TMEM117: variants seen among roughly 807,000 people sequenced by gnomAD.
The protein encoded by TMEM117 is transmembrane protein 117.
In TMEM117, 27 loss-of-function variants were observed where a neutral mutation model predicts 52.4. The ratio of observed to expected loss-of-function variants is 0.51; its 90% CI spans 0.38 to 0.71. TMEM117 has a LOEUF of 0.71. Ranked by LOEUF, TMEM117 falls within the 30% of genes least tolerant of loss-of-function variation. TMEM117 has a pLI of 0.00. For missense variants in TMEM117, 556 were observed against 630.5 expected (o/e 0.88, Z 1.26); for synonymous variants, 215 against 206.3 (o/e 1.04, Z -0.36).
intron 3 of TMEM117, among the ~76,000 whole-genome samples, chr12:44,122,669 A>AT (rs1948256879): frequency 6.6e-6 from 1 of 151,842 alleles, no homozygotes; most frequent in South Asian, 2.1e-4. Context: ...GCAGTATTTG[A>AT]TTTTCTCTTC....
chr12:43,823,566 G>A, the TMEM117 span, among the ~76,000 whole-genome samples: 18 of 152,040 alleles, frequency 1.2e-4, 1 homozygote, highest in Admixed American at 2.6e-4. Flanking sequence ...CTGGAGCACA[G>A]TGGCGTGATC....
At chr12:44,021,277 A>G (rs911441897) in intron 3 of TMEM117, among the ~76,000 whole-genome samples, 7 of 152,026 alleles carry the variant, frequency 4.6e-5, no homozygotes, top group Non-Finnish European at 7.4e-5. Flanking sequence ...CCACCCTCAA[A>G]TAGAACCTAG....
At chr12:44,236,229 C>T (rs903774831) in intron 5 of TMEM117, among the ~76,000 whole-genome samples, 2 of 151,314 alleles carry the variant, frequency 1.3e-5, no homozygotes, top group Non-Finnish European at 3.0e-5. Context: ...CATTCTCTTC[C>T]ACTTTTCTAT....
chr12:44,329,706 T>C (rs1258299244), intron 6 of TMEM117, among the ~76,000 whole-genome samples: 1 of 152,102 alleles, frequency 6.6e-6, no homozygotes, highest in East Asian at 1.9e-4. Context: ...TCTTCCACTT[T>C]CTGTCTTTAT....
At chr12:43,915,730 A>G (rs1944590202) in intron 2 of TMEM117, among the ~76,000 whole-genome samples, 1 of 152,024 alleles carries the variant, frequency 6.6e-6, no homozygotes, top group Admixed American at 6.6e-5. Context: ...GGGAAGAAGG[A>G]AAGAAGGAGT....
intron 3 of TMEM117, among the ~76,000 whole-genome samples, chr12:44,104,044 GA>G (rs1233956034): frequency 1.3e-5 from 2 of 151,912 alleles, no homozygotes; most frequent in African/African-American, 4.8e-5. Context: ...GGCACTTCTG[GA>G]AAGCAAGAGA....
At chr12:44,096,288 C>T (rs1188699867) in intron 3 of TMEM117, among the ~76,000 whole-genome samples, 1 of 152,038 alleles carries the variant, frequency 6.6e-6, no homozygotes, top group Non-Finnish European at 1.5e-5. Flanking sequence ...GCCATACTGC[C>T]CAAGGTAATT....
chr12:44,193,596 G>GA (rs34797909), intron 4 of TMEM117, among the ~76,000 whole-genome samples: 15,796 of 152,136 alleles, frequency 0.1, 935 homozygotes, highest in Middle Eastern at 0.2. Context: ...CACTCTCACT[G>GA]AAAAAGCAAA....
intron 3 of TMEM117, among the ~76,000 whole-genome samples, chr12:44,075,428 T>A (rs1214509078): frequency 1.3e-5 from 2 of 152,256 alleles, no homozygotes; most frequent in African/African-American, 2.4e-5. Context: ...CTTGGTTTAA[T>A]GTTCTGTAGT....
chr12:44,149,957 A>G (rs1056268528), intron 4 of TMEM117, among the ~76,000 whole-genome samples: 1 of 152,218 alleles, frequency 6.6e-6, no homozygotes, highest in Non-Finnish European at 1.5e-5. Context: ...GGACACATGT[A>G]TATGAGAAAT....
intron 2 of TMEM117, among the ~76,000 whole-genome samples, chr12:43,850,601 C>T (rs1943290123): frequency 6.6e-6 from 1 of 152,192 alleles, no homozygotes; most frequent in South Asian, 2.1e-4. Flanking sequence ...ATTATCTCCT[C>T]TGTGACACTT....
At chr12:44,390,797 A>G (rs1314024384), downstream of TMEM117, among the ~76,000 whole-genome samples, 7 of 152,078 alleles carry the variant, frequency 4.6e-5, no homozygotes, top group Non-Finnish European at 8.8e-5. Flanking sequence ...ATATGGATCT[A>G]CTTTCTTCTT....
the TMEM117 span, among the ~76,000 whole-genome samples, chr12:43,828,492 G>A: frequency 2.0e-5 from 3 of 152,338 alleles, no homozygotes; most frequent in East Asian, 5.8e-4. Flanking sequence ...TAACCCTTGA[G>A]AGGCAGAGAG....
chr12:43,914,520 C>G (rs1427780758), intron 2 of TMEM117, among the ~76,000 whole-genome samples: 2 of 152,162 alleles, frequency 1.3e-5, no homozygotes, highest in Admixed American at 1.3e-4. Context: ...AAGACAGACA[C>G]AGGCCCTGCC....
At chr12:44,071,032 C>T (rs1947294016) in intron 3 of TMEM117, among the ~76,000 whole-genome samples, 3 of 152,130 alleles carry the variant, frequency 2.0e-5, no homozygotes, top group South Asian at 4.1e-4. Flanking sequence ...TATAGAAAAA[C>T]ATTTTAAATG....
downstream of TMEM117, among the ~76,000 whole-genome samples, chr12:44,392,920 A>G (rs1448688870): frequency 6.6e-6 from 1 of 152,158 alleles, no homozygotes; most frequent in East Asian, 1.9e-4. Flanking sequence ...GAGAGACTGG[A>G]ACATCCTTGA....
At chr12:44,280,159 A>G (rs1950560740) in intron 5 of TMEM117, among the ~76,000 whole-genome samples, 1 of 152,184 alleles carries the variant, frequency 6.6e-6, no homozygotes, top group Non-Finnish European at 1.5e-5. Context: ...GAAAGATTCA[A>G]AATTCAGGCC....
chr12:44,369,441 T>A (rs1951833189), intron 6 of TMEM117, among the ~76,000 whole-genome samples: 1 of 152,218 alleles, frequency 6.6e-6, no homozygotes. Context: ...TATTTGCTTT[T>A]TCTATAGGCA....
intron 3 of TMEM117, among the ~76,000 whole-genome samples, chr12:44,104,889 G>T (rs1416536824): frequency 2.0e-5 from 3 of 149,186 alleles, no homozygotes; most frequent in African/African-American, 7.7e-5. Flanking sequence ...TTTTTCCCCT[G>T]GGTTCTTTCA....
Sources: gnomAD v4.1 joint callset for allele counts (sites outside exome capture counted in the v4.1 genomes callset) on GRCh38, gnomAD v4.1.1 for gene constraint, MANE v1.5 for transcripts, NCBI Gene and HGNC (gene_info 2026-07-23, HGNC 2026-07-21) for gene names.